Variants in CDH13 observed in about 807,000 individuals in gnomAD.
CDH13 encodes cadherin-13.
In CDH13, 24 loss-of-function variants were observed where a neutral mutation model predicts 63.8. The ratio of observed to expected loss-of-function variants is 0.38; its 90% CI spans 0.27 to 0.53. The LOEUF is 0.53. Ranked by LOEUF, CDH13 falls within the 20% of genes least tolerant of loss-of-function variation. CDH13 has a pLI of 0.85. For synonymous variants in CDH13, 503 were observed against 355.3 expected, an observed-to-expected ratio of 1.42 and a Z score of -4.67; for missense variants, 1,049 against 903.1, an observed-to-expected ratio of 1.16 and a Z score of -2.07.
chr16:83,372,293 G>C (rs78352675), intron 6 of CDH13, among the ~76,000 whole-genome samples: 31,009 of 152,116 alleles, frequency 0.2, 3,559 homozygotes, highest in African/African-American at 0.3. Context: ...CCAGAAGTCT[G>C]ATTTCAAAGT....
chr16:82,895,997 G>A (rs906887445), intron 2 of CDH13, among the ~76,000 whole-genome samples: 1 of 152,134 alleles, frequency 6.6e-6, no homozygotes, highest in Non-Finnish European at 1.5e-5. Context: ...AGTGCTTCCT[G>A]TCATTCAGTT....
At chr16:83,470,838 A>C (rs552202685) in intron 6 of CDH13, among the ~76,000 whole-genome samples, 1 of 152,302 alleles carries the variant, frequency 6.6e-6, no homozygotes, top group East Asian at 1.9e-4. Flanking sequence ...TAAAATGTGC[A>C]AATTTATCTT....
At chr16:83,308,254 T>G (rs2089923833) in intron 5 of CDH13, among the ~76,000 whole-genome samples, 1 of 152,224 alleles carries the variant, frequency 6.6e-6, no homozygotes, top group Admixed American at 6.5e-5. Flanking sequence ...ACATATATTT[T>G]GTGCTTTGCT....
At chr16:82,919,756 C>G (rs2042098600) in intron 2 of CDH13, among the ~76,000 whole-genome samples, 1 of 152,174 alleles carries the variant, frequency 6.6e-6, no homozygotes, top group Non-Finnish European at 1.5e-5. Context: ...TAATTCTGAA[C>G]AGGTCCATCT....
chr16:83,554,092 T>C (rs1042182720), intron 7 of CDH13, among the ~76,000 whole-genome samples: 2 of 152,248 alleles, frequency 1.3e-5, no homozygotes, highest in African/African-American at 4.8e-5. Flanking sequence ...GGTTATAGAT[T>C]AGACCTCAAT....
chr16:83,006,565 G>A (rs1271591768), intron 2 of CDH13, among the ~76,000 whole-genome samples: 11 of 152,192 alleles, frequency 7.2e-5, no homozygotes, highest in African/African-American at 2.4e-4. Flanking sequence ...GGTGCCATTT[G>A]CTCCTTGTCC....
intron 9 of CDH13, among the ~76,000 whole-genome samples, chr16:83,676,087 A>C (rs1225795019): frequency 3.9e-5 from 6 of 152,076 alleles, no homozygotes; most frequent in African/African-American, 1.4e-4. Context: ...GGAGAGGAGG[A>C]GGGAGGGAGG....
At chr16:83,253,076 G>T (rs149058396) in intron 5 of CDH13, among the ~76,000 whole-genome samples, 39 of 152,300 alleles carry the variant, frequency 2.6e-4, no homozygotes, top group African/African-American at 8.9e-4. Flanking sequence ...TCAATAAATA[G>T]TGGAGATTGT....
Position 82,791,178 on chromosome 16 carries a change from C to T in CDH13, c.46-67184C>T, listed in dbSNP as rs200297136. Among the ~76,000 whole-genome samples the T allele has an allele frequency of 1.3e-4, 19 of 149,490 alleles. No homozygotes were observed. The East Asian group carries it at 1.4e-3, about 11-fold the overall frequency. On this transcript the variant is annotated intron_variant, in intron 1 of 13. Coordinates refer to ENST00000567109, the MANE Select transcript of CDH13 (RefSeq NM_001257.5). ...CATGAACCCGGGAGGCGGAGCTTGCCGTGAGCAGAGATCACGCCACTGCAC... is the reference window on the plus strand; with the variant it reads ...CATGAACCCGGGAGGCGGAGCTTGCTGTGAGCAGAGATCACGCCACTGCAC...
chr16:83,631,030 G>A (rs186342357), intron 8 of CDH13, among the ~76,000 whole-genome samples: 5 of 152,274 alleles, frequency 3.3e-5, no homozygotes, highest in Admixed American at 6.5e-5. Flanking sequence ...ATGGCATCCC[G>A]GAGATACATC....
intron 11 of CDH13, among the ~76,000 whole-genome samples, chr16:83,756,173 A>C (rs189211494): frequency 6.6e-6 from 1 of 152,200 alleles, no homozygotes; most frequent in Non-Finnish European, 1.5e-5. Context: ...AATCCAAAAT[A>C]AGAAAGGAGG....
At chr16:83,233,751 A>T (rs1188419277) in intron 5 of CDH13, among the ~76,000 whole-genome samples, 1 of 152,092 alleles carries the variant, frequency 6.6e-6, no homozygotes, top group Non-Finnish European at 1.5e-5. Flanking sequence ...CCATCTACAT[A>T]ATCCAGGATC....
At chr16:83,383,355 C>T (rs1490873302) in intron 6 of CDH13, among the ~76,000 whole-genome samples, 1 of 152,134 alleles carries the variant, frequency 6.6e-6, no homozygotes, top group Non-Finnish European at 1.5e-5. Flanking sequence ...TCACCATTTT[C>T]CCCTTTATAA....
intron 11 of CDH13, among the ~76,000 whole-genome samples, chr16:83,774,354 T>C (rs1914963091): frequency 6.6e-6 from 1 of 152,102 alleles, no homozygotes. Flanking sequence ...ACATTTAGAA[T>C]GACCTAGTCA....
intron 1 of CDH13, among the ~76,000 whole-genome samples, chr16:82,751,951 A>T (rs8049363): frequency 0.015 from 2,301 of 152,314 alleles, 58 homozygotes; most frequent in African/African-American, 0.053. Flanking sequence ...TATCGGTTGT[A>T]TCTGTCTTCC....
intron 3 of CDH13, among the ~76,000 whole-genome samples, chr16:83,115,432 G>T (rs1438638098): frequency 6.6e-6 from 1 of 152,202 alleles, no homozygotes; most frequent in Non-Finnish European, 1.5e-5. Flanking sequence ...GGGTTATAAA[G>T]GTTAGAAGGA....
At chr16:82,667,710 C>T (rs1253355409) in intron 1 of CDH13, among the ~76,000 whole-genome samples, 1 of 152,052 alleles carries the variant, frequency 6.6e-6, no homozygotes, top group East Asian at 1.9e-4. Context: ...TTGGTGCAGT[C>T]TTGAAAGCGC....
chr16:82,810,885 T>TG (rs1363998876), intron 1 of CDH13, among the ~76,000 whole-genome samples: 2 of 151,334 alleles, frequency 1.3e-5, no homozygotes, highest in East Asian at 3.9e-4. Context: ...CAGGGGGAAA[T>TG]GGGGGGAGGT....
chr16:83,234,777 T>C (rs185369416), intron 5 of CDH13, among the ~76,000 whole-genome samples: 1 of 152,228 alleles, frequency 6.6e-6, no homozygotes, highest in African/African-American at 2.4e-5. Flanking sequence ...CCACTTTGCA[T>C]GTGGAGAAAC....
Sources: gnomAD v4.1 joint callset for allele counts (sites outside exome capture counted in the v4.1 genomes callset) on GRCh38, gnomAD v4.1.1 for gene constraint, MANE v1.5 for transcripts, NCBI Gene and HGNC (gene_info 2026-07-23, HGNC 2026-07-21) for gene names.